The following ATG2B variants were observed in gnomAD, a reference collection of about 807,000 sequenced individuals.
The protein encoded by ATG2B is autophagy-related protein 2 homolog B.
In ATG2B, 121 loss-of-function variants were observed where a neutral mutation model predicts 241.3. The observed-to-expected ratio is 0.50, with a 90% CI of 0.43 to 0.58. The LOEUF (loss-of-function observed/expected upper bound fraction) is 0.58, where lower values mean the gene tolerates loss of function less well. Ranked by LOEUF, ATG2B falls within the 20% of genes least tolerant of loss-of-function variation. The probability of loss-of-function intolerance (pLI) is 0.00; values close to 1 mark genes in which losing one functional copy is unlikely to be tolerated. For synonymous variants in ATG2B, 858 were observed against 876.6 expected (o/e 0.98, Z 0.37); for missense variants, 2,306 against 2,491.6 (o/e 0.93, Z 1.59).
intron 4 of ATG2B, among the ~76,000 whole-genome samples, chr14:96,344,365 A>T (rs991315452): frequency 4.6e-5 from 7 of 152,196 alleles, no homozygotes; most frequent in Non-Finnish European, 1.0e-4. Flanking sequence ...GAAAGCCTTA[A>T]ATTCAGTGGC....
chr14:96,326,042 A>G lies in ATG2B; in HGVS notation c.2164-120T>C, dbSNP rs186522606. ...TCCCCATTTGGTATAATGCATTAAA[A>G]GTCAATTCAAATTAACCACTACCAT... On this transcript the variant is annotated intron_variant, in intron 14 of 41. Coordinates refer to ENST00000359933, the MANE Select transcript of ATG2B (RefSeq NM_018036.7). 6.6e-4 allele frequency: 643 copies of G among 970,632 alleles called. 5 individuals are homozygous for G. Among genetic ancestry groups the G allele is most frequent in the Middle Eastern group, 5.1e-4 (2 of 3,886 alleles). The allele number at this position is 970,632 out of a possible 1,614,324, so 60.1% of individuals were successfully genotyped here.
rs538912659 is a variant in ATG2B, at chr14:96,281,141, A to G, written c.*4614T>C. On this transcript the variant is annotated 3_prime_UTR_variant, in exon 42 of 42. Transcript: ENST00000359933. ...ATCTGCTATCAGAAGCATCAGGGGC[A>G]CTGGAACATCATTTCCCAATAACAA... is the stretch of plus-strand genomic sequence containing the variant. The G allele has an allele frequency of 6.9e-4, 105 of 152,318 alleles. 2 individuals carry two copies. Among genetic ancestry groups the G allele is most frequent in the African/African-American group, 2.5e-3 (102 of 41,568 alleles). 9.4% of individuals were successfully genotyped at this position (152,318 alleles called of 1,614,324 possible).
rs2139829347 is a variant in ATG2B, at chr14:96,283,945, G to A, written c.*1810C>T. On this transcript the variant is annotated 3_prime_UTR_variant, in exon 42 of 42. Transcript: ENST00000359933. ...AAACTTAATTTGTTTGCAACTCCGG[G>A]TGCAAAGAAGAGAATAATTATTTTT... 6.6e-6 allele frequency: 1 copy of A among 152,292 alleles called. No individual in the cohort carries two copies. The highest frequency in any genetic ancestry group is 1.9e-4 in the East Asian group (1 of 5,190). The allele number at this position is 152,292 out of a possible 1,614,324, so 9.4% of individuals were successfully genotyped here. A position where few individuals can be genotyped will look rare whatever the true frequency, so the allele number is the denominator to read the frequency against.
Position 96,325,546 on chromosome 14 carries a change from T to C in ATG2B, c.2437+103A>G, listed in dbSNP as rs181878020. ...TTGATTTTAACATAATGTTCTTTAA[T>C]TGTACTATATTGCAGGGCTGTCAGA... On this transcript the variant is annotated intron_variant, in intron 15 of 41. Transcript: ENST00000359933. 9.9e-4 allele frequency: 1,017 copies of C among 1,028,872 alleles called. 10 individuals are homozygous for C. In the African/African-American group the frequency reaches 0.014, roughly 14 times the overall value. 63.7% of individuals were successfully genotyped at this position (1,028,872 alleles called of 1,614,324 possible).
In ATG2B at chr14:96,328,334, T is replaced by C; in HGVS notation, c.2163+13A>G. ...ATAATTATGATTAGTATTTGCAGCTTTTGAATACTTACCAGACTAATATGT... is the reference window on the plus strand; with the variant it reads ...ATAATTATGATTAGTATTTGCAGCTCTTGAATACTTACCAGACTAATATGT... On this transcript the variant is annotated intron_variant, in intron 14 of 41. Transcript: ENST00000359933. 1 of 1,580,344 alleles carries C rather than the reference T, an allele frequency of 6.3e-7. No individual in the cohort carries two copies. The highest frequency in any genetic ancestry group is 1.2e-5 in the South Asian group (1 of 86,638).
At chr14:96,304,628 A>C (rs1886885711) in intron 31 of ATG2B, 25 bp from the exon 32 acceptor site, 1 of 1,304,002 alleles carries the variant, frequency 7.7e-7, no homozygotes, top group Non-Finnish European at 1.1e-6. Flanking sequence ...AAAAAAAAAA[A>C]ACCCTTTTGT....
chr14:96,353,343 G>A (rs1357422342), intron 1 of ATG2B, among the ~76,000 whole-genome samples: 1 of 152,148 alleles, frequency 6.6e-6, no homozygotes, highest in Non-Finnish European at 1.5e-5. Context: ...ATACATACTG[G>A]GCTGGGCATG....
In ATG2B at chr14:96,305,836, A is replaced by G. The variant is rs139607279; in HGVS notation, c.4507-21T>C. On this transcript the variant is annotated intron_variant, in intron 30 of 41. Transcript: ENST00000359933. ...TTCTCCTAAAATAAACAAACAGGTA[A>G]CACATACTCTCTTTTCTAATTAGAA... 207 of 1,575,962 alleles carry G rather than the reference A, an allele frequency of 1.3e-4. No individual in the cohort carries two copies. In the East Asian group the frequency reaches 3.9e-3, roughly 30 times the overall value.
rs774034138 is a variant in ATG2B at position 96,289,683 on chromosome 14, C to A, written c.5979G>T (p.Val1993=). ...AHQPVDLREG[V]AKAYSVVKEG... ...CTTTCACAACACTGTAGGCCTTGGC[C>A]ACACCTTCCCTCAGGTCTACTGGCT... is the stretch of plus-strand genomic sequence containing the variant. Residue 1993 remains valine (V), a synonymous_variant, in exon 41 of 42, where the codon GTG becomes GTT. Coordinates refer to ENST00000359933, the MANE Select transcript of ATG2B (RefSeq NM_018036.7). The surrounding 1 kb of genome is among the most constrained non-coding windows in gnomAD (Gnocchi z 4.3). The A allele has an allele frequency of 6.2e-7, 1 of 1,614,188 alleles. No homozygotes were observed. Among genetic ancestry groups the A allele is most frequent in the Non-Finnish European group, 8.5e-7 (1 of 1,180,028 alleles).
intron 14 of ATG2B, among the ~76,000 whole-genome samples, chr14:96,327,178 G>A (rs1381356591): frequency 6.6e-6 from 1 of 151,952 alleles, no homozygotes; most frequent in Non-Finnish European, 1.5e-5. Context: ...CAAGACTGAA[G>A]TGAGCTGATA....
rs887444516 is a variant in ATG2B, at chr14:96,312,021, G to A, written c.3913+68C>T. 47 of 1,178,684 alleles carry A rather than the reference G, an allele frequency of 4.0e-5. 1 individual carries two copies. The highest frequency in any genetic ancestry group is 5.4e-5 in the Non-Finnish European group (43 of 794,026). The allele number at this position is 1,178,684 out of a possible 1,614,324, so 73.0% of individuals were successfully genotyped here. ...ACTAGCATTATCCCAGAGTTAAAATGCTTTAAAATTATTTACGCACAAAAA... is the reference window on the plus strand; with the variant it reads ...ACTAGCATTATCCCAGAGTTAAAATACTTTAAAATTATTTACGCACAAAAA... On this transcript the variant is annotated intron_variant, in intron 26 of 41. Transcript: ENST00000359933.
At chr14:96,347,526 T>C (rs954707490) in intron 1 of ATG2B, among the ~76,000 whole-genome samples, 185 bp from the exon 2 acceptor site, 15 of 152,116 alleles carry the variant, frequency 9.9e-5, no homozygotes, top group African/African-American at 3.6e-4. Context: ...AAGGACACAA[T>C]TAACAAAGTG....
chr14:96,304,715 G>A, intron 31 of ATG2B, 112 bp from the exon 32 acceptor site: 2 of 797,752 alleles, frequency 2.5e-6, no homozygotes, highest in Non-Finnish European at 3.9e-6. Flanking sequence ...AGAGTACAGA[G>A]CTATCAGAAC....
Position 96,304,614 on chromosome 14 carries a change from GCAA to G in ATG2B, c.4734-14_4734-12del. ...GAACTGTGGGGACTACTAAAAATGA[GCAA>G]AAAAAAAAAAAACCCTTTTGTTAAA... On this transcript the variant is annotated splice_polypyrimidine_tract_variant and intron_variant, in intron 31 of 41. Coordinates refer to ENST00000359933, the MANE Select transcript of ATG2B (RefSeq NM_018036.7). The G allele has an allele frequency of 3.0e-6, 3 of 1,003,806 alleles. No homozygotes were observed. Among genetic ancestry groups the G allele is most frequent in the South Asian group, 4.2e-5 (2 of 47,240 alleles). 62.2% of individuals were successfully genotyped at this position (1,003,806 alleles called of 1,614,324 possible).
In ATG2B at chr14:96,285,860, A is replaced by T; in HGVS notation, c.6132T>A (p.Ile2044=). 6.2e-7 allele frequency: 1 copy of T among 1,614,128 alleles called. No individual in the cohort carries two copies. Among genetic ancestry groups the T allele is most frequent in the South Asian group, 1.1e-5 (1 of 91,080 alleles). The part of the protein sequence containing the change: ...QIPPAVVKPL[I]VATEATSNVL... ...CGTTTGACGTTGCTTCTGTGGCAAC[A>T]ATCAGAGGTTTCACCACTGCCGGAG... is the stretch of plus-strand genomic sequence containing the variant. The change falls in exon 42 of 42, where the codon ATT becomes ATA. Residue 2044 remains isoleucine, a synonymous_variant. Transcript: ENST00000359933. This position sits in a 1 kb window ranked among gnomAD's most constrained non-coding sequence, Gnocchi z 4.2.
Position 96,290,961 on chromosome 14 carries a change from C to A in ATG2B, c.5580-26G>T. ...CTAGAGCAAATGATTATTAGTATGT[C>A]AAAAGGAGAAATACATTTATAGACA... On this transcript the variant is annotated intron_variant, in intron 38 of 41. Transcript: ENST00000359933. This position sits in a 1 kb window ranked among gnomAD's most constrained non-coding sequence, Gnocchi z 4.4. 1 of 1,586,836 alleles carries A rather than the reference C, an allele frequency of 6.3e-7. No homozygotes were observed. The highest frequency in any genetic ancestry group is 8.6e-7 in the Non-Finnish European group (1 of 1,166,192).
chr14:96,317,032 G>C, intron 20 of ATG2B, 113 bp downstream of exon 20: 1 of 1,048,652 alleles, frequency 9.5e-7, no homozygotes, highest in Non-Finnish European at 1.4e-6. Flanking sequence ...GTCTTCATCA[G>C]TCCCTGAAAC....
At chr14:96,351,959 T>C (rs1888336381) in intron 1 of ATG2B, among the ~76,000 whole-genome samples, 1 of 151,540 alleles carries the variant, frequency 6.6e-6, no homozygotes. Context: ...AAATTTATAC[T>C]GTTTTGATCA....
At chr14:96,297,094 T>C (rs1057248342) in intron 34 of ATG2B, among the ~76,000 whole-genome samples, 11 of 152,172 alleles carry the variant, frequency 7.2e-5, no homozygotes, top group African/African-American at 2.7e-4. Flanking sequence ...TATTCATGTA[T>C]GTATTTTATG....
Sources: gnomAD v4.1 joint callset for allele counts (sites outside exome capture counted in the v4.1 genomes callset) on GRCh38, gnomAD v4.1.1 for gene constraint, Gnocchi (gnomAD v3.1) non-coding constraint, MANE v1.5 for transcripts, NCBI Gene and HGNC (gene_info 2026-07-23, HGNC 2026-07-21) for gene names.